MAST2: variants seen among roughly 807,000 people sequenced by gnomAD.
MAST2 encodes microtubule-associated serine/threonine-protein kinase 2.
In MAST2, 70 loss-of-function variants were observed where a neutral mutation model predicts 147.4. The ratio of observed to expected loss-of-function variants is 0.47; its 90% confidence interval spans 0.39 to 0.58. The LOEUF (loss-of-function observed/expected upper bound fraction) is 0.58. Ranked by LOEUF, MAST2 falls within the 20% of genes least tolerant of loss-of-function variation. The pLI, the probability that MAST2 is intolerant of heterozygous loss-of-function variation, is 0.00. For synonymous variants in MAST2, 869 were observed against 896.8 expected, an observed-to-expected ratio of 0.97 and a Z score of 0.55; for missense variants, 2,080 against 2,302.3, an observed-to-expected ratio of 0.90 and a Z score of 1.98.
At chr1:45,872,950 T>TA (rs1306492279) in intron 3 of MAST2, among the ~76,000 whole-genome samples, 3 of 152,202 alleles carry the variant, frequency 2.0e-5, no homozygotes, top group African/African-American at 7.2e-5. Flanking sequence ...AAACATTACT[T>TA]AAAGTTCTTT....
Position 46,034,124 on chromosome 1 carries a change from C to T in MAST2, c.3726C>T (p.Leu1242=). ...AGATCACCAAGCAAGCATCCCTGCT[C>T]CACACCAGCCGCAGCCTTTCTTCCC... ...FRKITKQASL[L]HTSRSLSSLN... is the part of the protein sequence containing the mutation. Residue 1242 remains leucine, a synonymous_variant, in exon 28 of 29, where the codon CTC becomes CTT. Transcript: ENST00000361297. 1 of 1,614,154 alleles carries T rather than the reference C, an allele frequency of 6.2e-7. No individual in the cohort carries two copies. The highest frequency in any genetic ancestry group is 2.2e-5 in the East Asian group (1 of 44,886).
chr1:46,031,405 G>A lies in MAST2; in HGVS notation c.3007G>A (p.Gly1003Ser). ...TGGGCCTACAGCTATGGAGACCCGA[G>A]GCCGTGGGACCTCACAGCTGGCTGA... ...SGSSPAMETR[G>S]RGTSQLAEGA... The change falls in exon 24 of 29, where the codon GGC (glycine) becomes AGC (serine). Residue 1003 changes from glycine (G) to serine (S), a missense_variant. Coordinates refer to ENST00000361297, the MANE Select transcript of MAST2 (RefSeq NM_015112.3). The surrounding 1 kb of genome is among the most constrained non-coding windows in gnomAD (Gnocchi z 4.1). 2 of 1,612,958 alleles carry A rather than the reference G, an allele frequency of 1.2e-6. No homozygotes were observed. Among genetic ancestry groups the A allele is most frequent in the Non-Finnish European group, 8.5e-7 (1 of 1,179,226 alleles).
intron 4 of MAST2, among the ~76,000 whole-genome samples, chr1:45,894,242 A>G (rs1487759346): frequency 1.3e-5 from 2 of 152,004 alleles, no homozygotes; most frequent in East Asian, 3.9e-4. Flanking sequence ...AATTACACTG[A>G]AAGTTTTATT....
At chr1:45,926,659 A>G (rs1557916921) in intron 4 of MAST2, among the ~76,000 whole-genome samples, 1 of 152,162 alleles carries the variant, frequency 6.6e-6, no homozygotes, top group Non-Finnish European at 1.5e-5. Flanking sequence ...AAGGTATTTC[A>G]TTTCTCCTCT....
At chr1:46,034,049 A>G in intron 27 of MAST2, 24 bp from the exon 28 acceptor site, 4 of 1,609,784 alleles carry the variant, frequency 2.5e-6, no homozygotes, top group Non-Finnish European at 8.5e-7. Context: ...GCACCGACTC[A>G]GCCTTTGACC....
chr1:45,990,445 G>A (rs1224708434), intron 5 of MAST2, among the ~76,000 whole-genome samples: 1 of 152,038 alleles, frequency 6.6e-6, no homozygotes, highest in South Asian at 2.1e-4. Context: ...TATCAAGTAT[G>A]TGGGTTTTTG....
At position 45,879,839 on chromosome 1, in the gene MAST2, TGA is replaced by T. The variant is rs1646768845; in HGVS notation, c.469-2522_469-2521del. On this transcript the variant is annotated intron_variant, in intron 3 of 28. Coordinates refer to ENST00000361297, the MANE Select transcript of MAST2 (RefSeq NM_015112.3). ...ATCAGGAAAATGATTAAAGCCACAA[TGA>T]GATACCCGTACACACCTAAATGGCT... Among the ~76,000 whole-genome samples the T allele has an allele frequency of 3.3e-5, 5 of 152,300 alleles. No individual in the cohort carries two copies. The South Asian group carries it at 1.0e-3, about 32-fold the overall frequency.
Position 45,905,579 on chromosome 1 carries a change from A to T in MAST2, c.500+23184A>T, listed in dbSNP as rs141967688. The stretch of plus-strand genomic sequence containing the variant: ...ATCACGAGCTCAGGAGTTTGAGACC[A>T]TCCTGGCTAACACAGTGAAACCCCG... On this transcript the variant is annotated intron_variant, in intron 4 of 28. Transcript: ENST00000361297. 3.2e-3 allele frequency among the ~76,000 whole-genome samples: 489 copies of T among 152,276 alleles called. 1 individual carries two copies. The highest frequency in any genetic ancestry group is 0.011 in the African/African-American group (477 of 41,576).
chr1:45,949,399 G>A (rs1005037596), intron 4 of MAST2, among the ~76,000 whole-genome samples: 2 of 152,136 alleles, frequency 1.3e-5, no homozygotes, highest in Admixed American at 1.3e-4. Flanking sequence ...ATTAAAAAGT[G>A]GGCAAAGGAC....
At chr1:45,812,927 T>A (rs1353007869) in intron 1 of MAST2, among the ~76,000 whole-genome samples, 1 of 152,192 alleles carries the variant, frequency 6.6e-6, no homozygotes, top group Non-Finnish European at 1.5e-5. Context: ...TAACCTTACC[T>A]GTATTCCACA....
At chr1:45,808,507 C>G (rs1219860213) in intron 1 of MAST2, among the ~76,000 whole-genome samples, 2 of 152,198 alleles carry the variant, frequency 1.3e-5, no homozygotes, top group Non-Finnish European at 2.9e-5. Flanking sequence ...CCGTGCCTGG[C>G]CCACATCTGT....
chr1:45,879,817 A>G (rs1043212401), intron 3 of MAST2, among the ~76,000 whole-genome samples: 3 of 152,236 alleles, frequency 2.0e-5, no homozygotes, highest in Non-Finnish European at 4.4e-5. Context: ...GTTAGTCATC[A>G]GGAAAATGAT....
At chr1:45,981,055 G>GGTTTT (rs544064989) in intron 5 of MAST2, among the ~76,000 whole-genome samples, 217 of 152,172 alleles carry the variant, frequency 1.4e-3, no homozygotes, top group Middle Eastern at 3.4e-3. Flanking sequence ...CTGAGGCTAT[G>GGTTTT]GTTTTGTTTT....
Position 45,935,163 on chromosome 1 carries a change from C to T in MAST2, c.501-24223C>T, listed in dbSNP as rs542988338. Among the ~76,000 whole-genome samples the T allele has an allele frequency of 5.9e-5, 9 of 152,230 alleles. No homozygotes were observed. In the South Asian group the frequency reaches 1.0e-3, roughly 18 times the overall value. ...TTCTCAGATGATTAGCGATGTGGAG[C>T]ATGTTGTCGTGTTTGTTGGCTGCTT... On this transcript the variant is annotated intron_variant, in intron 4 of 28. Coordinates refer to ENST00000361297, the MANE Select transcript of MAST2 (RefSeq NM_015112.3).
At chr1:45,822,584 A>C (rs1184745562) in intron 1 of MAST2, among the ~76,000 whole-genome samples, 3 of 152,180 alleles carry the variant, frequency 2.0e-5, no homozygotes, top group Non-Finnish European at 4.4e-5. Flanking sequence ...ACAGTGTAGC[A>C]GGCATCCAAA....
chr1:45,819,977 T>G (rs1161415745), intron 1 of MAST2, among the ~76,000 whole-genome samples: 1 of 152,158 alleles, frequency 6.6e-6, no homozygotes, highest in Non-Finnish European at 1.5e-5. Context: ...AACAACATGG[T>G]ACTGACATAA....
chr1:45,900,276 A>G (rs1037352915), intron 4 of MAST2, among the ~76,000 whole-genome samples: 1 of 151,722 alleles, frequency 6.6e-6, no homozygotes, highest in Non-Finnish European at 1.5e-5. Context: ...GGAAATCACT[A>G]TACTATTTTC....
chr1:46,006,018 C>T (rs774191658), intron 7 of MAST2, among the ~76,000 whole-genome samples: 23 of 152,170 alleles, frequency 1.5e-4, no homozygotes, highest in Non-Finnish European at 2.9e-4. Flanking sequence ...CCCTGCACAA[C>T]CCTTGAAGGA....
At chr1:46,013,573 G>A (rs570620834) in intron 10 of MAST2, among the ~76,000 whole-genome samples, 9 of 152,030 alleles carry the variant, frequency 5.9e-5, no homozygotes, top group African/African-American at 1.2e-4. Flanking sequence ...CCAGCCGCTC[G>A]GGAGGCTGAG....
Sources: allele counts gnomAD v4.1 joint callset (sites outside exome capture counted in the v4.1 genomes callset), GRCh38; gene constraint gnomAD v4.1.1; non-coding constraint Gnocchi (gnomAD v3.1); transcripts MANE v1.5; gene names NCBI Gene and HGNC (gene_info 2026-07-23, HGNC 2026-07-21).